TCF20: variants seen among roughly 807,000 people sequenced by gnomAD.
The protein encoded by TCF20 is SPRE-binding protein.
A neutral mutation model predicts 148.6 loss-of-function variants in TCF20; 3 were observed. The ratio of observed to expected loss-of-function variants is 0.02; its 90% CI spans 0.01 to 0.05. TCF20 has a LOEUF of 0.05. Ranked by LOEUF, TCF20 falls within the 10% of genes least tolerant of loss-of-function variation. TCF20 has a pLI of 1.00. For synonymous variants in TCF20, 1,049 were observed against 909.5 expected, an observed-to-expected ratio of 1.15 and a Z score of -2.76; for missense variants, 2,350 against 2,429.3, an observed-to-expected ratio of 0.97 and a Z score of 0.69.
chr22:42,188,460 G>C (rs17002868), intron 2 of TCF20, among the ~76,000 whole-genome samples: 102,220 of 151,958 alleles, frequency 0.67, 35,038 homozygotes, highest in East Asian at 0.81. Flanking sequence ...TACTGAATGT[G>C]AAGAAGGCAG....
intron 1 of TCF20, among the ~76,000 whole-genome samples, chr22:42,267,752 A>G (rs1926366632): frequency 6.6e-6 from 1 of 152,152 alleles, no homozygotes; most frequent in African/African-American, 2.4e-5. Flanking sequence ...ATGGTAACAT[A>G]CAAGAAAATT....
chr22:42,274,858 G>A (rs893158760), upstream of TCF20: 1 of 152,220 alleles, frequency 6.6e-6, no homozygotes, highest in Non-Finnish European at 1.5e-5. Flanking sequence ...TGTTAATGAG[G>A]ATGATACAGC....
intron 5 of TCF20, among the ~76,000 whole-genome samples, chr22:42,164,722 G>A (rs986284477): frequency 6.6e-6 from 1 of 152,218 alleles, no homozygotes; most frequent in African/African-American, 2.4e-5. Flanking sequence ...AGCGAGGAGG[G>A]GGGCAATGGA....
intron 1 of TCF20, among the ~76,000 whole-genome samples, chr22:42,336,569 G>A (rs1194500027): frequency 6.6e-6 from 1 of 151,850 alleles, no homozygotes; most frequent in African/African-American, 2.4e-5. Context: ...CTGCTACTGA[G>A]ACCCTCTAAA....
At chr22:42,269,783 C>T (rs1926494860) in intron 1 of TCF20, 2 of 152,826 alleles carry the variant, frequency 1.3e-5, no homozygotes, top group Non-Finnish European at 2.9e-5. Context: ...GCCGCGTCCA[C>T]ATGGCTTCAG....
rs372303049 is a variant in TCF20, at chr22:42,241,720, G to C, written c.-36-26379C>G. 3.9e-5 allele frequency among the ~76,000 whole-genome samples: 6 copies of C among 152,168 alleles called. No homozygotes were observed. In the East Asian group the frequency reaches 9.7e-4, roughly 24 times the overall value. ...CACACACCTGTGGTCCCAGCTACTCGAGAGGTTAAGGCACAAGAACTGCTT... is the reference window on the plus strand; with the variant it reads ...CACACACCTGTGGTCCCAGCTACTCCAGAGGTTAAGGCACAAGAACTGCTT... On this transcript the variant is annotated intron_variant, in intron 1 of 5. Coordinates refer to ENST00000677622, the MANE Select transcript of TCF20 (RefSeq NM_001378418.1).
chr22:42,310,081 A>T (rs1927506136), intron 1 of TCF20, among the ~76,000 whole-genome samples: 1 of 152,218 alleles, frequency 6.6e-6, no homozygotes. Context: ...GTGGACTTTG[A>T]AGGATGTGTA....
chr22:42,183,105 A>G (rs1467060477), intron 2 of TCF20, among the ~76,000 whole-genome samples: 1 of 152,170 alleles, frequency 6.6e-6, no homozygotes, highest in African/African-American at 2.4e-5. Context: ...TCTGATGTAC[A>G]ATGCAGTTTG....
rs1012915218 is a variant in TCF20, at chr22:42,299,599, T to C, written c.-37+43880A>G. 1.3e-5 allele frequency among the ~76,000 whole-genome samples: 2 copies of C among 152,254 alleles called. No homozygotes were observed. The highest frequency in any genetic ancestry group is 6.5e-5 in the Admixed American group (1 of 15,302). Reference sequence around the variant, plus strand: ...CCACTGGTCACCAGTCCCTCTTGCCTTTCTGTCCCAGCTAGCAGCTCTCCA... The same window carrying C: ...CCACTGGTCACCAGTCCCTCTTGCCCTTCTGTCCCAGCTAGCAGCTCTCCA... On this transcript the variant is annotated intron_variant, in intron 1 of 1. Transcript: ENST00000515426. This position sits in a 1 kb window ranked among gnomAD's most constrained non-coding sequence, Gnocchi z 4.1.
At chr22:42,230,121 A>G (rs553274359) in intron 1 of TCF20, among the ~76,000 whole-genome samples, 1 of 152,296 alleles carries the variant, frequency 6.6e-6, no homozygotes, top group South Asian at 2.1e-4. Context: ...TTCCAGGTGT[A>G]CCACACAGCT....
intron 2 of TCF20, among the ~76,000 whole-genome samples, chr22:42,202,617 T>C (rs1280561239): frequency 6.6e-6 from 1 of 152,238 alleles, no homozygotes; most frequent in African/African-American, 2.4e-5. Flanking sequence ...TCATACGTTT[T>C]TCCAATAAAT....
At chr22:42,300,710 C>T (rs973268879) in intron 1 of TCF20, among the ~76,000 whole-genome samples, 3 of 151,912 alleles carry the variant, frequency 2.0e-5, no homozygotes, top group Admixed American at 6.6e-5. Flanking sequence ...GAAAACCCCT[C>T]GTCCAGCCCA....
intron 3 of TCF20, among the ~76,000 whole-genome samples, chr22:42,179,061 CAT>C (rs1936617660): frequency 6.9e-6 from 1 of 144,096 alleles, no homozygotes; most frequent in African/African-American, 2.6e-5. Context: ...AAAAGAAACA[CAT>C]ATGACAGCAA....
intron 1 of TCF20, among the ~76,000 whole-genome samples, chr22:42,258,066 A>G (rs1925839077): frequency 6.6e-6 from 1 of 152,228 alleles, no homozygotes; most frequent in Non-Finnish European, 1.5e-5. Flanking sequence ...GTTGTGTCCA[A>G]ATCACTGGAA....
chr22:42,282,721 G>A (rs1443260400), intron 1 of TCF20, among the ~76,000 whole-genome samples: 3 of 152,210 alleles, frequency 2.0e-5, no homozygotes, highest in East Asian at 1.9e-4. Flanking sequence ...CTGGGACAGC[G>A]CCTGGGGGTT....
intron 2 of TCF20, among the ~76,000 whole-genome samples, chr22:42,201,213 G>A (rs1231839377): frequency 6.6e-6 from 1 of 152,192 alleles, no homozygotes; most frequent in Non-Finnish European, 1.5e-5. Context: ...CAGGCATCAT[G>A]CTTCCTATAC....
chr22:42,237,195 A>C (rs1287498881), intron 1 of TCF20, among the ~76,000 whole-genome samples: 1 of 152,190 alleles, frequency 6.6e-6, no homozygotes, highest in African/African-American at 2.4e-5. Flanking sequence ...CAACCCCGCC[A>C]CTGCTTAATC....
At chr22:42,221,974 A>G (rs905245719) in intron 1 of TCF20, among the ~76,000 whole-genome samples, 1 of 151,478 alleles carries the variant, frequency 6.6e-6, no homozygotes, top group African/African-American at 2.4e-5. Flanking sequence ...TCCTGACCTC[A>G]TGATCCGCCC....
chr22:42,324,847 C>T (rs1256617532), intron 1 of TCF20, among the ~76,000 whole-genome samples: 3 of 152,256 alleles, frequency 2.0e-5, no homozygotes, highest in Non-Finnish European at 2.9e-5. Context: ...TTATCTCCAT[C>T]TTGCAGGTGA....
Sources: gnomAD v4.1 joint callset for allele counts (sites outside exome capture counted in the v4.1 genomes callset) on GRCh38, gnomAD v4.1.1 for gene constraint, Gnocchi (gnomAD v3.1) non-coding constraint, MANE v1.5 for transcripts, NCBI Gene and HGNC (gene_info 2026-07-23, HGNC 2026-07-21) for gene names.